Variants in PRKG1 observed in about 807,000 individuals in gnomAD.
PRKG1 encodes protein kinase cGMP-dependent 1, also known as cGMP-dependent protein kinase 1.
Under a neutral mutation model 88.1 loss-of-function variants are expected in PRKG1, and 35 were observed. That is an observed-to-expected ratio of 0.40 (90% CI 0.30 to 0.53). The LOEUF is 0.53. Ranked by LOEUF, PRKG1 falls within the 20% of genes least tolerant of loss-of-function variation. The pLI, the probability that PRKG1 is intolerant of heterozygous loss-of-function variation, is 0.59. For missense variants in PRKG1, 540 were observed against 839.8 expected, an observed-to-expected ratio of 0.64 and a Z score of 4.41; for synonymous variants, 303 against 292.5, an observed-to-expected ratio of 1.04 and a Z score of -0.37.
Position 51,464,649 on chromosome 10 carries a change from T to C in PRKG1, c.479-3074T>C, listed in dbSNP as rs374855802. 5.7e-4 allele frequency among the ~76,000 whole-genome samples: 86 copies of C among 152,078 alleles called. No homozygotes were observed. In the East Asian group the frequency reaches 0.016, roughly 28 times the overall value. ...GCTCACGCCTGTAATCCCAGCACTT[T>C]GGGAGGCCGAGGCGGGCGGATCACG... On this transcript the variant is annotated intron_variant, in intron 2 of 17. Transcript: ENST00000373980.
At chr10:51,940,562 A>G (rs1842885633) in intron 5 of PRKG1, among the ~76,000 whole-genome samples, 2 of 151,774 alleles carry the variant, frequency 1.3e-5, no homozygotes, top group South Asian at 4.1e-4. Context: ...AATGGGCCCT[A>G]CCTCTCATGT....
chr10:51,215,506 C>T (rs1016279358), intron 2 of PRKG1, among the ~76,000 whole-genome samples: 1 of 152,082 alleles, frequency 6.6e-6, no homozygotes, highest in South Asian at 2.1e-4. Flanking sequence ...GGGAAGACAG[C>T]TGAATAGAAA....
intron 5 of PRKG1, among the ~76,000 whole-genome samples, chr10:52,033,573 T>C (rs1200093081): frequency 1.3e-5 from 2 of 152,198 alleles, no homozygotes; most frequent in African/African-American, 4.8e-5. Flanking sequence ...TTTATGCAGG[T>C]TGAGCTACTG....
At chr10:51,059,068 C>A (rs76469693) in intron 1 of PRKG1, among the ~76,000 whole-genome samples, 3,863 of 152,154 alleles carry the variant, frequency 0.025, 89 homozygotes, top group Middle Eastern at 0.061. Flanking sequence ...ACATTTTTAA[C>A]CTTTAACATA....
chr10:51,924,955 T>C (rs944000728), intron 5 of PRKG1, among the ~76,000 whole-genome samples: 1 of 110,894 alleles, frequency 9.0e-6, no homozygotes, highest in African/African-American at 4.6e-5. Context: ...TTGCCTAGTT[T>C]TTTTTTTTTC....
chr10:51,627,820 G>A (rs918618170), intron 3 of PRKG1, among the ~76,000 whole-genome samples: 5 of 149,928 alleles, frequency 3.3e-5, no homozygotes, highest in Non-Finnish European at 5.9e-5. Flanking sequence ...GTAGCTGAAA[G>A]TCACAATCTT....
At chr10:52,242,715 G>A (rs1472866671) in intron 9 of PRKG1, among the ~76,000 whole-genome samples, 1 of 152,026 alleles carries the variant, frequency 6.6e-6, no homozygotes, top group African/African-American at 2.4e-5. Flanking sequence ...TGGCCAACAT[G>A]GTGAAACCCT....
intron 2 of PRKG1, among the ~76,000 whole-genome samples, chr10:51,439,127 C>T (rs924526864): frequency 6.6e-6 from 1 of 151,678 alleles, no homozygotes; most frequent in African/African-American, 2.4e-5. Context: ...GTTTCGCCCC[C>T]CCTTACGAAC....
chr10:51,894,421 G>A (rs144905986), intron 4 of PRKG1, among the ~76,000 whole-genome samples: 2 of 152,136 alleles, frequency 1.3e-5, no homozygotes, highest in Admixed American at 6.6e-5. Flanking sequence ...TCTTTAACAG[G>A]TACACAATTT....
chr10:51,202,459 G>T (rs1837936386), intron 2 of PRKG1, among the ~76,000 whole-genome samples: 1 of 152,114 alleles, frequency 6.6e-6, no homozygotes, highest in African/African-American at 2.4e-5. Flanking sequence ...TTTCTCCTGA[G>T]AACACTGCTT....
At chr10:52,227,376 A>T (rs1419908686) in intron 9 of PRKG1, among the ~76,000 whole-genome samples, 4 of 152,176 alleles carry the variant, frequency 2.6e-5, no homozygotes, top group African/African-American at 4.8e-5. Context: ...CAAATAAAAA[A>T]TATTAGAAAA....
At chr10:52,172,775 A>C (rs1589671951) in intron 9 of PRKG1, among the ~76,000 whole-genome samples, 2 of 152,198 alleles carry the variant, frequency 1.3e-5, no homozygotes, top group African/African-American at 2.4e-5. Flanking sequence ...GCAAGGCTAG[A>C]AGTGCTGAAG....
chr10:51,859,323 C>G (rs1840805962), intron 4 of PRKG1, among the ~76,000 whole-genome samples: 1 of 151,522 alleles, frequency 6.6e-6, no homozygotes, highest in South Asian at 2.1e-4. Context: ...ATAGTTAAAA[C>G]TTCCAGTGGC....
chr10:51,297,038 A>G (rs962060703), intron 2 of PRKG1, among the ~76,000 whole-genome samples: 4 of 152,152 alleles, frequency 2.6e-5, no homozygotes, highest in African/African-American at 9.6e-5. Context: ...CTGACTGGTC[A>G]TAAAAGGAAA....
chr10:51,786,582 C>T (rs1017391264), intron 3 of PRKG1, among the ~76,000 whole-genome samples: 10 of 152,054 alleles, frequency 6.6e-5, no homozygotes, highest in South Asian at 2.1e-4. Context: ...ACTCTGAATA[C>T]GTCAGTTGAG....
intron 9 of PRKG1, among the ~76,000 whole-genome samples, chr10:52,224,534 TG>T (rs1435601827): frequency 6.8e-6 from 1 of 147,394 alleles, no homozygotes; most frequent in Admixed American, 6.9e-5. Context: ...TGTGAGATTT[TG>T]GTGTACCCAT....
intron 2 of PRKG1, among the ~76,000 whole-genome samples, chr10:51,200,244 T>C (rs1416711365): frequency 2.0e-5 from 3 of 152,208 alleles, no homozygotes; most frequent in East Asian, 1.9e-4. Context: ...TGAAGCCTAA[T>C]ATGTGTGAAA....
chr10:52,160,857 C>T (rs1838259207), intron 8 of PRKG1, among the ~76,000 whole-genome samples: 1 of 151,880 alleles, frequency 6.6e-6, no homozygotes. Context: ...AATACTAACT[C>T]ATAGTATTTC....
intron 1 of PRKG1, among the ~76,000 whole-genome samples, chr10:51,058,622 A>T (rs575831064): frequency 3.3e-4 from 51 of 152,260 alleles, no homozygotes; most frequent in African/African-American, 1.2e-3. Flanking sequence ...ATCTACTTTG[A>T]TGTCTTTTGG....
Sources: gnomAD v4.1 joint callset for allele counts (sites outside exome capture counted in the v4.1 genomes callset) on GRCh38, gnomAD v4.1.1 for gene constraint, MANE v1.5 for transcripts, NCBI Gene and HGNC (gene_info 2026-07-23, HGNC 2026-07-21) for gene names.